THSD7B: variants seen among roughly 807,000 people sequenced by gnomAD.
THSD7B encodes the protein thrombospondin type 1 domain containing 7B.
Under a neutral mutation model 213.6 loss-of-function variants are expected in THSD7B, and 138 were observed. The ratio of observed to expected loss-of-function variants is 0.65; its 90% CI spans 0.56 to 0.74. THSD7B has a LOEUF of 0.74. Among genes scored for constraint, THSD7B ranks in the 30% least tolerant of loss-of-function variants. The pLI is 0.00. For missense variants in THSD7B, 1,931 were observed against 1,991.5 expected (o/e 0.97, Z 0.58); for synonymous variants, 742 against 687.0 (o/e 1.08, Z -1.25).
chr2:137,219,899 T>G (rs1347178949), intron 7 of THSD7B, among the ~76,000 whole-genome samples: 3 of 152,164 alleles, frequency 2.0e-5, no homozygotes, highest in African/African-American at 7.2e-5. Flanking sequence ...GTTGACAGGA[T>G]GTTATAGTGC....
intron 1 of THSD7B, among the ~76,000 whole-genome samples, chr2:136,771,020 G>A (rs1029635589): frequency 1.3e-5 from 2 of 152,082 alleles, no homozygotes; most frequent in African/African-American, 4.8e-5. Flanking sequence ...TGCCACAACT[G>A]TAAATTCTTC....
intron 2 of THSD7B, among the ~76,000 whole-genome samples, chr2:136,935,924 ATATAAT>A (rs1684718212): frequency 6.8e-6 from 1 of 148,054 alleles, no homozygotes; most frequent in East Asian, 1.9e-4. Flanking sequence ...ATATAATCTT[ATATAAT>A]TATAATTATA....
At chr2:137,366,527 A>T (rs1685412062) in intron 12 of THSD7B, among the ~76,000 whole-genome samples, 1 of 152,100 alleles carries the variant, frequency 6.6e-6, no homozygotes, top group Non-Finnish European at 1.5e-5. Context: ...TTTTTATTAC[A>T]GTTGATATCA....
chr2:136,994,827 T>A (rs998660315), intron 2 of THSD7B, among the ~76,000 whole-genome samples: 2 of 152,168 alleles, frequency 1.3e-5, no homozygotes, highest in African/African-American at 4.8e-5. Flanking sequence ...ATCCTAGACA[T>A]AAACTTTTCT....
chr2:137,159,603 G>A (rs962798054), intron 5 of THSD7B, among the ~76,000 whole-genome samples: 9 of 152,154 alleles, frequency 5.9e-5, no homozygotes, highest in African/African-American at 2.2e-4. Flanking sequence ...ACCAGGAAGA[G>A]ACAGAAGCTA....
At chr2:137,598,457 C>A (rs552211242) in intron 17 of THSD7B, among the ~76,000 whole-genome samples, 1 of 152,302 alleles carries the variant, frequency 6.6e-6, no homozygotes, top group African/African-American at 2.4e-5. Context: ...AAACTGTTCA[C>A]TAATTCATAG....
chr2:136,793,601 A>G (rs556812818), intron 1 of THSD7B, among the ~76,000 whole-genome samples: 2 of 152,086 alleles, frequency 1.3e-5, no homozygotes, highest in South Asian at 2.1e-4. Context: ...TGTTAAACCT[A>G]TCTTGCATCA....
chr2:137,401,634 C>CTTTTTTTTTTTTTTTTTTTTTTTTTTT (rs35834967), intron 12 of THSD7B, among the ~76,000 whole-genome samples: 1 of 132,696 alleles, frequency 7.5e-6, no homozygotes, highest in African/African-American at 2.8e-5. Flanking sequence ...TTCTTTCTTT[C>CTTTTTTTTTTTTTTTTTTTTTTTTTTT]TTTTTTTTTT....
chr2:137,573,599 C>A (rs1573717944), intron 17 of THSD7B, among the ~76,000 whole-genome samples: 2 of 152,000 alleles, frequency 1.3e-5, no homozygotes, highest in Non-Finnish European at 2.9e-5. Context: ...ACTACTAAGT[C>A]ATTTATTTTG....
chr2:137,003,497 C>A (rs952424688), intron 2 of THSD7B, among the ~76,000 whole-genome samples: 1 of 152,076 alleles, frequency 6.6e-6, no homozygotes, highest in African/African-American at 2.4e-5. Context: ...TGAAATAAAG[C>A]GGGAATACAT....
intron 17 of THSD7B, among the ~76,000 whole-genome samples, chr2:137,605,949 C>T (rs1181101009): frequency 2.0e-5 from 3 of 148,138 alleles, no homozygotes; most frequent in African/African-American, 5.0e-5. Context: ...ATTACAGGCA[C>T]GTGCCACCAT....
At chr2:137,400,613 G>T (rs1326748044) in intron 12 of THSD7B, among the ~76,000 whole-genome samples, 1 of 152,196 alleles carries the variant, frequency 6.6e-6, no homozygotes, top group African/African-American at 2.4e-5. Context: ...AGGGATGGCA[G>T]TGGTCATGAG....
At chr2:136,906,965 T>TTTTTTTTA (rs1491028452) in intron 2 of THSD7B, among the ~76,000 whole-genome samples, 1 of 102,598 alleles carries the variant, frequency 9.7e-6, no homozygotes, top group African/African-American at 4.2e-5. Context: ...TTTTTTTTTT[T>TTTTTTTTA]AGAGGGTCTG....
intron 21 of THSD7B, among the ~76,000 whole-genome samples, chr2:137,646,650 T>G (rs867134299): frequency 7.7e-6 from 1 of 130,204 alleles, no homozygotes; most frequent in Non-Finnish European, 1.7e-5. Flanking sequence ...ACACTCCATC[T>G]TAATAATAAT....
chr2:137,628,218 T>C (rs1682670037), intron 20 of THSD7B, among the ~76,000 whole-genome samples: 6 of 152,184 alleles, frequency 3.9e-5, no homozygotes, highest in Admixed American at 3.3e-4. Flanking sequence ...AATTATTCCA[T>C]AGATGCAGTC....
chr2:137,469,765 T>C (rs1365043082), intron 15 of THSD7B, among the ~76,000 whole-genome samples: 2 of 152,206 alleles, frequency 1.3e-5, no homozygotes, highest in African/African-American at 4.8e-5. Context: ...TTCTGCTCTA[T>C]TTTACTTTGT....
intron 12 of THSD7B, among the ~76,000 whole-genome samples, chr2:137,372,804 G>T (rs996093659): frequency 6.6e-6 from 1 of 151,116 alleles, no homozygotes; most frequent in Non-Finnish European, 1.5e-5. Context: ...CCATTAACTC[G>T]TCATTTAGCA....
At chr2:137,281,406 T>A (rs1683009272) in intron 12 of THSD7B, among the ~76,000 whole-genome samples, 1 of 151,988 alleles carries the variant, frequency 6.6e-6, no homozygotes, top group Admixed American at 6.6e-5. Flanking sequence ...ATTTTTCTTA[T>A]TTTTTATTAT....
chr2:137,306,553 G>A (rs1238616478), intron 12 of THSD7B, among the ~76,000 whole-genome samples: 3 of 151,966 alleles, frequency 2.0e-5, no homozygotes, highest in Non-Finnish European at 4.4e-5. Context: ...ATTGTGATAA[G>A]ATATTTTGTT....
Sources: gnomAD v4.1 joint callset for allele counts (sites outside exome capture counted in the v4.1 genomes callset) on GRCh38, gnomAD v4.1.1 for gene constraint, MANE v1.5 for transcripts, NCBI Gene and HGNC (gene_info 2026-07-23, HGNC 2026-07-21) for gene names.